SLC9A9: variants seen among roughly 807,000 people sequenced by gnomAD.
The protein encoded by SLC9A9 is solute carrier family 9 member A9.
A neutral mutation model predicts 77.8 loss-of-function variants in SLC9A9; 62 were observed. The ratio of observed to expected loss-of-function variants is 0.80; its 90% CI spans 0.65 to 0.98. SLC9A9 has a LOEUF of 0.98. Ranked by LOEUF, SLC9A9 falls within the 50% of genes least tolerant of loss-of-function variation. The probability of loss-of-function intolerance (pLI) is 0.00; values close to 1 mark genes in which losing one functional copy is unlikely to be tolerated. For synonymous variants in SLC9A9, 320 were observed against 283.5 expected, an observed-to-expected ratio of 1.13 and a Z score of -1.29; for missense variants, 775 against 774.9, an observed-to-expected ratio of 1.00 and a Z score of 0.00.
chr3:143,780,156 A>G (rs1042770218), intron 4 of SLC9A9, among the ~76,000 whole-genome samples: 1 of 152,236 alleles, frequency 6.6e-6, no homozygotes, highest in African/African-American at 2.4e-5. Flanking sequence ...CAATTTATCT[A>G]CATATGTTGG....
At chr3:143,789,298 T>C (rs2008149219) in intron 4 of SLC9A9, among the ~76,000 whole-genome samples, 1 of 152,204 alleles carries the variant, frequency 6.6e-6, no homozygotes, top group Admixed American at 6.5e-5. Flanking sequence ...CCGTCCTGAC[T>C]TTCTCTTTGC....
intron 14 of SLC9A9, among the ~76,000 whole-genome samples, chr3:143,362,477 C>T (rs1295085251): frequency 2.0e-5 from 3 of 152,128 alleles, no homozygotes; most frequent in Admixed American, 6.6e-5. Flanking sequence ...AGTCATTCCT[C>T]TAATTTGCTT....
In SLC9A9 at chr3:143,573,745, C is replaced by T. The variant is rs1051662407; in HGVS notation, c.1000+343G>A. Among the ~76,000 whole-genome samples the T allele has an allele frequency of 2.6e-5, 4 of 152,228 alleles. No homozygotes were observed. The East Asian group carries it at 7.7e-4, about 29-fold the overall frequency. ...CACTGAAAGCCACCACCCTTCTCTA[C>T]AAAGCAGTTGTGGGTATCCTTTCAC... On this transcript the variant is annotated intron_variant, in intron 8 of 15. Coordinates refer to ENST00000316549, the MANE Select transcript of SLC9A9 (RefSeq NM_173653.4).
At chr3:143,397,109 TC>T (rs1176174514) in intron 12 of SLC9A9, among the ~76,000 whole-genome samples, 11 of 152,056 alleles carry the variant, frequency 7.2e-5, no homozygotes, top group African/African-American at 2.7e-4. Flanking sequence ...CGGATAAGAG[TC>T]CATTAGAAAC....
intron 14 of SLC9A9, among the ~76,000 whole-genome samples, chr3:143,318,131 G>A (rs756825100): frequency 2.6e-5 from 4 of 152,172 alleles, no homozygotes; most frequent in Non-Finnish European, 4.4e-5. Context: ...GCTGGATGTT[G>A]ATGTAGTCTT....
intron 6 of SLC9A9, among the ~76,000 whole-genome samples, chr3:143,633,530 C>T (rs901945068): frequency 1.2e-4 from 18 of 151,996 alleles, no homozygotes; most frequent in African/African-American, 4.3e-4. Flanking sequence ...TATATTTAAT[C>T]TTTCTTATAG....
At chr3:143,725,943 T>C (rs1934639283) in intron 4 of SLC9A9, among the ~76,000 whole-genome samples, 1 of 151,882 alleles carries the variant, frequency 6.6e-6, no homozygotes, top group African/African-American at 2.4e-5. Context: ...ACTGATATAA[T>C]TTTATTCAAG....
At chr3:143,823,272 A>C (rs1045021018) in intron 2 of SLC9A9, among the ~76,000 whole-genome samples, 1 of 152,238 alleles carries the variant, frequency 6.6e-6, no homozygotes, top group Non-Finnish European at 1.5e-5. Context: ...AAAACATTAT[A>C]GAAGTAAATA....
chr3:143,516,939 A>AT (rs1223026226), intron 9 of SLC9A9, among the ~76,000 whole-genome samples: 1 of 151,934 alleles, frequency 6.6e-6, no homozygotes, highest in Non-Finnish European at 1.5e-5. Flanking sequence ...GCAACTTGAA[A>AT]TTTTTTTCAG....
intron 14 of SLC9A9, among the ~76,000 whole-genome samples, chr3:143,291,683 A>G (rs1466395598): frequency 6.6e-6 from 1 of 152,214 alleles, no homozygotes; most frequent in Non-Finnish European, 1.5e-5. Context: ...GCTCCCATGG[A>G]CCAGGTTTAA....
chr3:143,587,892 G>T (rs1183615173), intron 6 of SLC9A9, among the ~76,000 whole-genome samples: 1 of 152,168 alleles, frequency 6.6e-6, no homozygotes, highest in African/African-American at 2.4e-5. Context: ...ATTGAGAGAA[G>T]TATGGGAGTT....
In SLC9A9 at chr3:143,673,458, C is replaced by T. The variant is rs113000792; in HGVS notation, c.649+19734G>A. On this transcript the variant is annotated intron_variant, in intron 5 of 15. Coordinates refer to ENST00000316549, the MANE Select transcript of SLC9A9 (RefSeq NM_173653.4). ...TGGCAGTCAAATCACAAAGAAAATGCACATTTAATTAGAGAAGGAGTGGAA... is the reference window on the plus strand; with the variant it reads ...TGGCAGTCAAATCACAAAGAAAATGTACATTTAATTAGAGAAGGAGTGGAA... Among the ~76,000 whole-genome samples, 1,341 of 151,346 alleles carry T rather than the reference C, an allele frequency of 8.9e-3. 28 individuals carry two copies. Among genetic ancestry groups the T allele is most frequent in the African/African-American group, 0.031 (1,280 of 41,202 alleles).
At chr3:143,738,686 A>T (rs115288696) in intron 4 of SLC9A9, among the ~76,000 whole-genome samples, 420 of 152,226 alleles carry the variant, frequency 2.8e-3, no homozygotes, top group African/African-American at 9.7e-3. Flanking sequence ...CAGTTCCAAG[A>T]CCCAGGACAC....
intron 13 of SLC9A9, among the ~76,000 whole-genome samples, chr3:143,370,554 T>C (rs1220996685): frequency 3.7e-5 from 4 of 108,198 alleles, no homozygotes; most frequent in Non-Finnish European, 7.6e-5. Context: ...TACACAAGTA[T>C]ATGCATGTGC....
chr3:143,744,031 G>A (rs1470780335), intron 4 of SLC9A9, among the ~76,000 whole-genome samples: 4 of 152,086 alleles, frequency 2.6e-5, no homozygotes, highest in African/African-American at 7.2e-5. Context: ...TGCAGGTGAC[G>A]AGCAGCTAAT....
intron 5 of SLC9A9, among the ~76,000 whole-genome samples, chr3:143,686,043 A>C (rs1451449501): frequency 6.6e-6 from 1 of 152,210 alleles, no homozygotes; most frequent in Non-Finnish European, 1.5e-5. Context: ...TATGTGCTGG[A>C]AGTCTACCCT....
chr3:143,333,143 T>A (rs1197796464), intron 14 of SLC9A9, among the ~76,000 whole-genome samples: 1 of 152,150 alleles, frequency 6.6e-6, no homozygotes, highest in Non-Finnish European at 1.5e-5. Context: ...TTGGCTCAAA[T>A]CCTCACTGTA....
chr3:143,358,270 T>C (rs778099480), intron 14 of SLC9A9, among the ~76,000 whole-genome samples: 20 of 152,212 alleles, frequency 1.3e-4, no homozygotes, highest in Admixed American at 1.2e-3. Flanking sequence ...TTTCATTTTG[T>C]TGGCAATACC....
chr3:143,373,605 T>TAAAAAAAAAAATAAAAA (rs2033107122), intron 13 of SLC9A9, among the ~76,000 whole-genome samples: 1 of 58,626 alleles, frequency 1.7e-5, no homozygotes, highest in Non-Finnish European at 3.1e-5. Context: ...ACTGAAATAG[T>TAAAAAAAAAAATAAAAA]AAAAAAAAAA....
Sources: allele counts gnomAD v4.1 joint callset (sites outside exome capture counted in the v4.1 genomes callset), GRCh38; gene constraint gnomAD v4.1.1; transcripts MANE v1.5; gene names NCBI Gene and HGNC (gene_info 2026-07-23, HGNC 2026-07-21).